Variants in SH3GL2 observed in about 807,000 individuals in gnomAD.
SH3GL2 encodes the protein SH3 domain containing GRB2 like 2, endophilin A1, also known as endophilin-A1.
SH3GL2 carries 24 observed loss-of-function variants against 46.0 expected under a neutral mutation model. That is an observed-to-expected ratio of 0.52 (90% confidence interval 0.38 to 0.73). The LOEUF is 0.73. SH3GL2 is among the 30% of genes least tolerant of loss of function. SH3GL2 has a pLI of 0.00. For synonymous variants in SH3GL2, 196 were observed against 147.1 expected, an observed-to-expected ratio of 1.33 and a Z score of -2.40; for missense variants, 413 against 424.2, an observed-to-expected ratio of 0.97 and a Z score of 0.23.
chr9:17,734,828 G>T (rs1038255946), intron 1 of SH3GL2, among the ~76,000 whole-genome samples: 2 of 152,092 alleles, frequency 1.3e-5, no homozygotes, highest in African/African-American at 4.8e-5. Context: ...GGCAGTGAAG[G>T]CTGTAAAAAA....
intron 1 of SH3GL2, among the ~76,000 whole-genome samples, chr9:17,687,370 G>A (rs1038851943): frequency 1.3e-5 from 2 of 152,070 alleles, no homozygotes; most frequent in African/African-American, 4.8e-5. Context: ...GAACAGGAGA[G>A]CCTTAAAAGT....
intron 1 of SH3GL2, among the ~76,000 whole-genome samples, chr9:17,660,817 TAATG>T (rs1208480860): frequency 6.6e-6 from 1 of 152,074 alleles, no homozygotes; most frequent in African/African-American, 2.4e-5. Context: ...AAAAATAAAA[TAATG>T]AAGTATGGAT....
At chr9:17,750,962 C>T (rs985914778) in intron 2 of SH3GL2, among the ~76,000 whole-genome samples, 24 of 152,170 alleles carry the variant, frequency 1.6e-4, no homozygotes, top group African/African-American at 5.3e-4. Context: ...AGGCTGGGTA[C>T]ATCAGGCTTC....
At chr9:17,581,532 G>C (rs1818277164) in intron 1 of SH3GL2, among the ~76,000 whole-genome samples, 2 of 152,158 alleles carry the variant, frequency 1.3e-5, no homozygotes, top group Admixed American at 1.3e-4. Flanking sequence ...GTTAATGTTT[G>C]CATGTGACAA....
At chr9:17,607,085 T>G (rs1328047421) in intron 1 of SH3GL2, among the ~76,000 whole-genome samples, 1 of 152,332 alleles carries the variant, frequency 6.6e-6, no homozygotes, top group East Asian at 1.9e-4. Flanking sequence ...TGATAGTTCC[T>G]TAAAATTATG....
intron 1 of SH3GL2, among the ~76,000 whole-genome samples, chr9:17,648,177 A>G (rs977971415): frequency 6.6e-6 from 1 of 152,158 alleles, no homozygotes; most frequent in South Asian, 2.1e-4. Flanking sequence ...GGAGAGGTCA[A>G]AAGTTATGTG....
rs553260204 is a variant in SH3GL2, at chr9:17,715,199, T to C, written c.46-31867T>C. On this transcript the variant is annotated intron_variant, in intron 1 of 8. Coordinates refer to ENST00000380607, the MANE Select transcript of SH3GL2 (RefSeq NM_003026.5). ...GATTATGATTTCTTTCTTTTCTTTT[T>C]TTTTTTTTTAGATGGGTTCTCACTT... is the stretch of plus-strand genomic sequence containing the variant. Among the ~76,000 whole-genome samples the C allele has an allele frequency of 2.7e-4, 41 of 151,456 alleles. No homozygotes were observed. The South Asian group carries it at 7.3e-3, about 27-fold the overall frequency.
intron 1 of SH3GL2, among the ~76,000 whole-genome samples, chr9:17,712,580 G>C (rs1821655943): frequency 6.6e-6 from 1 of 151,806 alleles, no homozygotes; most frequent in Non-Finnish European, 1.5e-5. Context: ...TTTCTTCACT[G>C]TATTGCCTTT....
intron 1 of SH3GL2, among the ~76,000 whole-genome samples, chr9:17,745,152 A>G (rs958669870): frequency 2.5e-4 from 38 of 152,214 alleles, no homozygotes; most frequent in African/African-American, 8.9e-4. Flanking sequence ...AATGTTCTAT[A>G]TAGTTCTCTG....
intron 1 of SH3GL2, among the ~76,000 whole-genome samples, chr9:17,656,583 C>G (rs200637655): frequency 6.6e-6 from 1 of 151,886 alleles, no homozygotes; most frequent in Non-Finnish European, 1.5e-5. Flanking sequence ...TATCTTAATT[C>G]TACTTATTCT....
intron 1 of SH3GL2, among the ~76,000 whole-genome samples, chr9:17,719,334 T>C (rs1251256805): frequency 1.3e-5 from 2 of 152,214 alleles, no homozygotes; most frequent in African/African-American, 4.8e-5. Flanking sequence ...TAACTATTTA[T>C]AGACTGTTTC....
intron 1 of SH3GL2, among the ~76,000 whole-genome samples, chr9:17,636,797 C>T (rs1040828922): frequency 1.3e-5 from 2 of 152,132 alleles, no homozygotes; most frequent in East Asian, 3.9e-4. Context: ...CTTTAATGCC[C>T]AAACCAAAAT....
chr9:17,705,780 A>G (rs551693353), intron 1 of SH3GL2, among the ~76,000 whole-genome samples: 11 of 152,114 alleles, frequency 7.2e-5, no homozygotes, highest in South Asian at 4.2e-4. Context: ...GAAGGGAACC[A>G]TAGACATTGG....
intron 1 of SH3GL2, among the ~76,000 whole-genome samples, chr9:17,628,644 T>A (rs571091870): frequency 7.9e-5 from 12 of 152,252 alleles, no homozygotes; most frequent in African/African-American, 2.9e-4. Context: ...TTCTTTTTAA[T>A]GGGTAGCTTT....
rs893032601 is a variant in SH3GL2 at position 17,692,486 on chromosome 9, A to G, written c.46-54580A>G. ...TATGGTAAAACCCCATCTCTACTAA[A>G]AATACAAAAATTAGCTGGGTCTGGT... On this transcript the variant is annotated intron_variant, in intron 1 of 8. Coordinates refer to ENST00000380607, the MANE Select transcript of SH3GL2 (RefSeq NM_003026.5). Among the ~76,000 whole-genome samples the G allele has an allele frequency of 5.3e-5, 8 of 152,124 alleles. No individual in the cohort carries two copies. In the South Asian group the frequency reaches 1.7e-3, roughly 32 times the overall value.
At chr9:17,738,040 T>G (rs1822392837) in intron 1 of SH3GL2, among the ~76,000 whole-genome samples, 1 of 152,264 alleles carries the variant, frequency 6.6e-6, no homozygotes, top group South Asian at 2.1e-4. Context: ...TTGGTTAATG[T>G]ATGTACACCA....
At chr9:17,741,051 T>C (rs545805421) in intron 1 of SH3GL2, among the ~76,000 whole-genome samples, 1 of 152,282 alleles carries the variant, frequency 6.6e-6, no homozygotes, top group South Asian at 2.1e-4. Context: ...GTATTCTTTG[T>C]ACATATAAAT....
chr9:17,655,279 C>T (rs995479005), intron 1 of SH3GL2, among the ~76,000 whole-genome samples: 1 of 152,052 alleles, frequency 6.6e-6, no homozygotes, highest in Non-Finnish European at 1.5e-5. Context: ...CTCAAATAAC[C>T]CCAGAAGGAT....
intron 1 of SH3GL2, among the ~76,000 whole-genome samples, chr9:17,682,197 A>G (rs1293476089): frequency 6.6e-6 from 1 of 152,160 alleles, no homozygotes; most frequent in East Asian, 1.9e-4. Flanking sequence ...TGACCCAGCA[A>G]TCCCATTACT....
Sources: allele counts gnomAD v4.1 joint callset (sites outside exome capture counted in the v4.1 genomes callset), GRCh38; gene constraint gnomAD v4.1.1; transcripts MANE v1.5; gene names NCBI Gene and HGNC (gene_info 2026-07-23, HGNC 2026-07-21).